The following ADCY2 variants were observed in gnomAD, a reference collection of about 807,000 sequenced individuals.
ADCY2 encodes the protein adenylate cyclase 2.
ADCY2 carries 31 observed loss-of-function variants against 125.2 expected under a neutral mutation model. That is an observed-to-expected ratio of 0.25 (90% CI 0.19 to 0.33). The LOEUF is 0.33. ADCY2 is among the 10% of genes least tolerant of loss of function. The pLI is 1.00. For missense variants in ADCY2, 904 were observed against 1,418.2 expected, an observed-to-expected ratio of 0.64 and a Z score of 5.82; for synonymous variants, 512 against 548.4, an observed-to-expected ratio of 0.93 and a Z score of 0.93.
chr5:7,582,631 CT>C (rs1220853516), intron 3 of ADCY2, among the ~76,000 whole-genome samples: 6 of 152,216 alleles, frequency 3.9e-5, no homozygotes, highest in Admixed American at 2.6e-4. Flanking sequence ...AGGAGAAACT[CT>C]ATGTGAATAT....
At chr5:7,717,019 T>C (rs1400986755) in intron 11 of ADCY2, 138 bp from the exon 12 acceptor site, 2 of 581,824 alleles carry the variant, frequency 3.4e-6, no homozygotes, top group Non-Finnish European at 6.2e-6. Context: ...AATACCCCGA[T>C]TGATCATTGC....
chr5:7,422,467 C>G (rs1579428779), intron 2 of ADCY2, among the ~76,000 whole-genome samples: 1 of 152,038 alleles, frequency 6.6e-6, no homozygotes, highest in African/African-American at 2.4e-5. Context: ...TCTGCTCATT[C>G]ATGGGCTTAA....
At chr5:7,638,909 G>T (rs1382870139) in intron 4 of ADCY2, among the ~76,000 whole-genome samples, 10 of 152,272 alleles carry the variant, frequency 6.6e-5, no homozygotes, top group Non-Finnish European at 1.3e-4. Flanking sequence ...ATGGGGGTGG[G>T]TCTTTCCCAT....
At chr5:7,462,104 CCTT>C (rs1283160909) in intron 2 of ADCY2, among the ~76,000 whole-genome samples, 2 of 152,186 alleles carry the variant, frequency 1.3e-5, no homozygotes, top group East Asian at 1.9e-4. Flanking sequence ...GCTGTTCACT[CCTT>C]CTCCTTTAAA....
At chr5:7,415,080 A>G (rs1197745046) in intron 2 of ADCY2, among the ~76,000 whole-genome samples, 1 of 152,226 alleles carries the variant, frequency 6.6e-6, no homozygotes, top group African/African-American at 2.4e-5. Context: ...TGTGTTTAAT[A>G]TAAAATTAAA....
intron 3 of ADCY2, among the ~76,000 whole-genome samples, chr5:7,536,080 T>A (rs1734802931): frequency 6.6e-6 from 1 of 152,236 alleles, no homozygotes; most frequent in South Asian, 2.1e-4. Context: ...ATTTTACTGC[T>A]GCAAGCTGTG....
In ADCY2 at chr5:7,766,726, G is replaced by T. The variant is rs1373071871; in HGVS notation, c.2134G>T (p.Ala712Ser). 6.2e-7 allele frequency: 1 copy of T among 1,612,278 alleles called. No individual in the cohort carries two copies. Among genetic ancestry groups the T allele is most frequent in the Non-Finnish European group, 8.5e-7 (1 of 1,179,560 alleles). Residue 712 changes from alanine to serine, a missense_variant, in exon 17 of 25, where the codon GCC (alanine) becomes TCC (serine). Coordinates refer to ENST00000338316, the MANE Select transcript of ADCY2 (RefSeq NM_020546.3). ...CTCAGAGGAAACAATCCCTCCAACT[G>T]CCAACACAACAAACACAAGCTTTTC... ...SDSEETIPPT[A>S]NTTNTSFSAS...
At chr5:7,505,370 T>C (rs1170751290) in intron 2 of ADCY2, among the ~76,000 whole-genome samples, 2 of 152,154 alleles carry the variant, frequency 1.3e-5, no homozygotes. Context: ...GTGCAAATCA[T>C]GGAGTCCCAT....
chr5:7,636,891 G>A (rs768711608), intron 4 of ADCY2, among the ~76,000 whole-genome samples: 7 of 152,130 alleles, frequency 4.6e-5, no homozygotes, highest in Non-Finnish European at 1.0e-4. Flanking sequence ...GGAGACAGGA[G>A]GTGCGGAAGC....
intron 1 of ADCY2, among the ~76,000 whole-genome samples, chr5:7,399,865 T>C (rs971210364): frequency 6.6e-6 from 1 of 152,360 alleles, no homozygotes; most frequent in African/African-American, 2.4e-5. Flanking sequence ...TCAGAAAACT[T>C]AGAGCTAATG....
chr5:7,763,211 G>A (rs1255263974), intron 16 of ADCY2, among the ~76,000 whole-genome samples: 3 of 151,778 alleles, frequency 2.0e-5, no homozygotes, highest in South Asian at 4.2e-4. Context: ...CTGCCTCTGC[G>A]TCCCGCGTAG....
chr5:7,460,396 G>A (rs1399074709), intron 2 of ADCY2, among the ~76,000 whole-genome samples: 2 of 151,980 alleles, frequency 1.3e-5, no homozygotes, highest in African/African-American at 4.8e-5. Flanking sequence ...GGATAAACAG[G>A]TATCTTTTAT....
At chr5:7,765,902 CTG>C (rs1226137593) in intron 16 of ADCY2, among the ~76,000 whole-genome samples, 1 of 152,066 alleles carries the variant, frequency 6.6e-6, no homozygotes, top group African/African-American at 2.4e-5. Context: ...GGTATTTAGT[CTG>C]TGTGCAGCTT....
chr5:7,400,838 G>C (rs1021276947), intron 1 of ADCY2, among the ~76,000 whole-genome samples: 7 of 152,180 alleles, frequency 4.6e-5, no homozygotes, highest in African/African-American at 1.7e-4. Flanking sequence ...TTTACTTGTG[G>C]TATAACAAAG....
intron 12 of ADCY2, among the ~76,000 whole-genome samples, chr5:7,724,240 G>A (rs1321114641): frequency 1.3e-5 from 2 of 151,076 alleles, no homozygotes; most frequent in Non-Finnish European, 2.9e-5. Context: ...TCCTTTAGAC[G>A]ACTTATCTCC....
At chr5:7,690,668 T>A in intron 4 of ADCY2, 23 bp from the exon 5 acceptor site, 1 of 1,523,908 alleles carries the variant, frequency 6.6e-7, no homozygotes, top group Non-Finnish European at 8.8e-7. Flanking sequence ...AGACATTTGT[T>A]CCTCCTTCCC....
At chr5:7,482,331 A>T (rs1300391420) in intron 2 of ADCY2, among the ~76,000 whole-genome samples, 2 of 152,054 alleles carry the variant, frequency 1.3e-5, no homozygotes, top group Non-Finnish European at 2.9e-5. Flanking sequence ...TGTATTCTGG[A>T]TATTAGTCCC....
intron 4 of ADCY2, among the ~76,000 whole-genome samples, chr5:7,636,524 G>T (rs893549266): frequency 6.6e-6 from 1 of 152,204 alleles, no homozygotes; most frequent in Admixed American, 6.5e-5. Context: ...ATACAAGGCA[G>T]ATGTCTTGAT....
At chr5:7,819,860 A>G (rs2126540362) in intron 23 of ADCY2, among the ~76,000 whole-genome samples, 1 of 152,296 alleles carries the variant, frequency 6.6e-6, no homozygotes, top group Non-Finnish European at 1.5e-5. Context: ...GCACACTCCT[A>G]CACTAACTAG....
Sources: gnomAD v4.1 joint callset for allele counts (sites outside exome capture counted in the v4.1 genomes callset) on GRCh38, gnomAD v4.1.1 for gene constraint, MANE v1.5 for transcripts, NCBI Gene and HGNC (gene_info 2026-07-23, HGNC 2026-07-21) for gene names.